Variants in ULK4 observed in about 807,000 individuals in gnomAD.
ULK4 encodes unc-51 like kinase 4.
ULK4 carries 133 observed loss-of-function variants against 160.6 expected under a neutral mutation model. The ratio of observed to expected loss-of-function variants is 0.83; its 90% CI spans 0.72 to 0.96. ULK4 has a LOEUF of 0.96. ULK4 is among the 40% of genes least tolerant of loss of function. ULK4 has a pLI of 0.00. For synonymous variants in ULK4, 534 were observed against 539.8 expected, an observed-to-expected ratio of 0.99 and a Z score of 0.15; for missense variants, 1,580 against 1,499.5, an observed-to-expected ratio of 1.05 and a Z score of -0.89.
At chr3:41,662,777 C>A (rs1454856045) in intron 30 of ULK4, among the ~76,000 whole-genome samples, 2 of 152,124 alleles carry the variant, frequency 1.3e-5, no homozygotes, top group African/African-American at 4.8e-5. Flanking sequence ...TTTCTCCTTT[C>A]TTCCCCTTCT....
In ULK4 at chr3:41,320,455, C is replaced by T. The variant is rs182245480; in HGVS notation, c.3679-70881G>A. Among the ~76,000 whole-genome samples the T allele has an allele frequency of 7.9e-5, 12 of 152,260 alleles. No homozygotes were observed. In the South Asian group the frequency reaches 8.3e-4, roughly 11 times the overall value. On this transcript the variant is annotated intron_variant, in intron 35 of 36. Coordinates refer to ENST00000301831, the MANE Select transcript of ULK4 (RefSeq NM_017886.4). Reference sequence around the variant, plus strand: ...ATCCCGGAGAGCCTAATAAGTCTAGCGTAAATTCCTCCAGTTTCCATGGGG... The same window carrying T: ...ATCCCGGAGAGCCTAATAAGTCTAGTGTAAATTCCTCCAGTTTCCATGGGG...
intron 35 of ULK4, among the ~76,000 whole-genome samples, chr3:41,258,940 C>T (rs991300914): frequency 1.3e-5 from 2 of 149,770 alleles, no homozygotes; most frequent in Admixed American, 6.7e-5. Context: ...AATTCCTCTA[C>T]ATCTGTTGAA....
At chr3:41,332,531 G>C (rs1284379447) in intron 35 of ULK4, among the ~76,000 whole-genome samples, 2 of 152,200 alleles carry the variant, frequency 1.3e-5, no homozygotes, top group Non-Finnish European at 2.9e-5. Flanking sequence ...TGGATGAGCA[G>C]ATGGCGTGGC....
At chr3:41,687,180 C>G (rs2036130479) in intron 27 of ULK4, among the ~76,000 whole-genome samples, 1 of 152,082 alleles carries the variant, frequency 6.6e-6, no homozygotes, top group Admixed American at 6.6e-5. Flanking sequence ...CAAGACCATC[C>G]TGGCCAACAT....
At chr3:41,762,596 A>G (rs1312729675) in intron 21 of ULK4, among the ~76,000 whole-genome samples, 1 of 151,810 alleles carries the variant, frequency 6.6e-6, no homozygotes, top group Non-Finnish European at 1.5e-5. Context: ...GTGAAGGAGA[A>G]GCAAACCATG....
At chr3:41,747,374 T>G (rs2038454563) in intron 22 of ULK4, among the ~76,000 whole-genome samples, 1 of 151,948 alleles carries the variant, frequency 6.6e-6, no homozygotes. Flanking sequence ...CTCTGATAAC[T>G]TCCTCGCTTT....
At chr3:41,933,410 T>C (rs984801615) in intron 4 of ULK4, among the ~76,000 whole-genome samples, 1 of 152,220 alleles carries the variant, frequency 6.6e-6, no homozygotes, top group Admixed American at 6.5e-5. Context: ...TGGAATCTCA[T>C]ACTTCAATTA....
intron 30 of ULK4, among the ~76,000 whole-genome samples, chr3:41,626,444 T>C (rs938608033): frequency 3.3e-5 from 5 of 152,042 alleles, no homozygotes; most frequent in Non-Finnish European, 7.4e-5. Context: ...GATGATTTTG[T>C]CACGAAATGT....
At chr3:41,248,771 C>T (rs2078690550) in intron 36 of ULK4, among the ~76,000 whole-genome samples, 1 of 152,212 alleles carries the variant, frequency 6.6e-6, no homozygotes, top group Non-Finnish European at 1.5e-5. Flanking sequence ...GGGAAATGTT[C>T]CACTGAGCAT....
At chr3:41,721,367 T>C (rs1384445428) in intron 22 of ULK4, among the ~76,000 whole-genome samples, 1 of 94,226 alleles carries the variant, frequency 1.1e-5, no homozygotes, top group Non-Finnish European at 2.3e-5. Flanking sequence ...TATATATTTT[T>C]TTTTTTTTTT....
At chr3:41,685,504 C>G (rs1429260800) in intron 27 of ULK4, among the ~76,000 whole-genome samples, 1 of 152,206 alleles carries the variant, frequency 6.6e-6, no homozygotes. Flanking sequence ...ATGCCTTTTA[C>G]TTAAGGCATT....
chr3:41,867,258 A>G (rs575161185), intron 17 of ULK4, among the ~76,000 whole-genome samples: 33 of 152,348 alleles, frequency 2.2e-4, no homozygotes, highest in Non-Finnish European at 3.5e-4. Flanking sequence ...TGGCTCCCAA[A>G]GAATAGTCCC....
chr3:41,478,053 C>T (rs2084200243), intron 32 of ULK4, among the ~76,000 whole-genome samples: 1 of 152,224 alleles, frequency 6.6e-6, no homozygotes, highest in Non-Finnish European at 1.5e-5. Flanking sequence ...TGCATTTGTA[C>T]TCCCAACTCT....
intron 3 of ULK4, chr3:41,937,445 AATAATT>A: frequency 1.7e-6 from 1 of 599,148 alleles, no homozygotes; most frequent in Non-Finnish European, 3.0e-6. Context: ...TAAAGCTAGT[AATAATT>A]ATATCAATAT....
At chr3:41,789,972 C>T (rs978411874) in intron 20 of ULK4, 129 bp from the exon 21 acceptor site, 1 of 827,206 alleles carries the variant, frequency 1.2e-6, no homozygotes, top group Non-Finnish European at 1.7e-6. Flanking sequence ...CTTATTTTGG[C>T]ACAAGAAAGT....
chr3:41,899,152 T>C (rs761233630), intron 13 of ULK4: 7 of 151,468 alleles, frequency 4.6e-5, no homozygotes, highest in African/African-American at 1.2e-4. Flanking sequence ...ATAGCATGAA[T>C]TGGAAAGTGC....
intron 31 of ULK4, among the ~76,000 whole-genome samples, chr3:41,593,949 G>A (rs1007528607): frequency 4.6e-5 from 7 of 152,058 alleles, no homozygotes; most frequent in Admixed American, 1.3e-4. Flanking sequence ...GGGGGCTGAG[G>A]TGGGAAGATG....
chr3:41,925,269 G>C lies in ULK4; in HGVS notation c.542-5451C>G, dbSNP rs186232057. On this transcript the variant is annotated intron_variant, in intron 5 of 36. Transcript: ENST00000301831. ...CACAGAGGGCAGGCAGAAGCAAGGTGGGGTGTTGCCTCACCCGGGAAGCGC... is the reference window on the plus strand; with the variant it reads ...CACAGAGGGCAGGCAGAAGCAAGGTCGGGTGTTGCCTCACCCGGGAAGCGC... Among the ~76,000 whole-genome samples, 10 of 152,304 alleles carry C rather than the reference G, an allele frequency of 6.6e-5. No individual in the cohort carries two copies. The East Asian group carries it at 1.9e-3, about 29-fold the overall frequency.
chr3:41,282,969 T>A (rs1410719455), intron 35 of ULK4, among the ~76,000 whole-genome samples: 1 of 151,920 alleles, frequency 6.6e-6, no homozygotes, highest in Non-Finnish European at 1.5e-5. Flanking sequence ...AACAACCCCA[T>A]CAAAAAGTTG....
Sources: allele counts gnomAD v4.1 joint callset (sites outside exome capture counted in the v4.1 genomes callset), GRCh38; gene constraint gnomAD v4.1.1; transcripts MANE v1.5; gene names NCBI Gene and HGNC (gene_info 2026-07-23, HGNC 2026-07-21).